Variants in CCNY observed in about 807,000 individuals in gnomAD.
CCNY encodes cyclin-Y.
A neutral mutation model predicts 42.8 loss-of-function variants in CCNY; 19 were observed. The observed-to-expected ratio is 0.44, with a 90% CI of 0.31 to 0.65. The LOEUF (loss-of-function observed/expected upper bound fraction) is 0.65. Among genes scored for constraint, CCNY ranks in the 30% least tolerant of loss-of-function variants. CCNY has a pLI of 0.07. For synonymous variants in CCNY, 165 were observed against 162.7 expected (o/e 1.01, Z -0.11); for missense variants, 370 against 437.3 (o/e 0.85, Z 1.37).
chr10:35,380,247 G>A (rs1837150467), intron 1 of CCNY, among the ~76,000 whole-genome samples: 1 of 152,178 alleles, frequency 6.6e-6, no homozygotes, highest in African/African-American at 2.4e-5. Flanking sequence ...TCAGCTCAGG[G>A]TCCAATCATT....
intron 3 of CCNY, among the ~76,000 whole-genome samples, chr10:35,324,903 C>G (rs951099234): frequency 3.3e-5 from 5 of 152,122 alleles, no homozygotes; most frequent in Non-Finnish European, 7.4e-5. Flanking sequence ...GTTATTTGTG[C>G]ACACTTATAT....
chr10:35,325,744 T>C (rs1276099242), intron 3 of CCNY, among the ~76,000 whole-genome samples: 1 of 152,126 alleles, frequency 6.6e-6, no homozygotes. Context: ...GCTGGGATTA[T>C]AAGGGTTGAG....
intron 1 of CCNY, among the ~76,000 whole-genome samples, chr10:35,416,951 G>A (rs1838037352): frequency 1.3e-5 from 2 of 152,198 alleles, no homozygotes; most frequent in Admixed American, 6.5e-5. Context: ...ATTAATACTA[G>A]CCTTCATAAC....
At chr10:35,350,271 T>G (rs1266943601) in intron 1 of CCNY, among the ~76,000 whole-genome samples, 1 of 152,256 alleles carries the variant, frequency 6.6e-6, no homozygotes, top group East Asian at 1.9e-4. Flanking sequence ...TTTTGCTTTT[T>G]TCTTCCTTTT....
At chr10:35,309,949 C>T (rs536825895) in intron 3 of CCNY, among the ~76,000 whole-genome samples, 180 of 152,170 alleles carry the variant, frequency 1.2e-3, no homozygotes, top group African/African-American at 4.2e-3. Flanking sequence ...TGCAGACGCC[C>T]GCCACCATGC....
chr10:35,472,993 C>T (rs922601411), intron 1 of CCNY, among the ~76,000 whole-genome samples: 2 of 151,810 alleles, frequency 1.3e-5, no homozygotes, highest in African/African-American at 4.8e-5. Context: ...AATTGCCTTG[C>T]TAGGAAAAAA....
intron 1 of CCNY, among the ~76,000 whole-genome samples, chr10:35,462,277 T>C (rs1055037646): frequency 1.2e-4 from 18 of 152,332 alleles, no homozygotes; most frequent in African/African-American, 4.3e-4. Context: ...GATGCCTCTT[T>C]AGGAATGGCG....
chr10:35,309,641 G>A (rs1589028940), intron 3 of CCNY, among the ~76,000 whole-genome samples: 1 of 152,084 alleles, frequency 6.6e-6, no homozygotes, highest in East Asian at 1.9e-4. Context: ...GGCTGGTCTC[G>A]AACTCCTCGG....
chr10:35,440,762 A>C (rs986476915), intron 1 of CCNY, among the ~76,000 whole-genome samples: 1 of 152,214 alleles, frequency 6.6e-6, no homozygotes, highest in Non-Finnish European at 1.5e-5. Flanking sequence ...GTGTAATTGC[A>C]CACGTGGGAC....
intron 1 of CCNY, among the ~76,000 whole-genome samples, chr10:35,472,693 A>G (rs1839414480): frequency 6.6e-6 from 1 of 152,210 alleles, no homozygotes; most frequent in Non-Finnish European, 1.5e-5. Context: ...ATGAAATGCT[A>G]ATTTATCCTA....
At position 35,430,331 on chromosome 10, in the gene CCNY, C is replaced by A. The variant is rs561113456; in HGVS notation, c.155-53073C>A. On this transcript the variant is annotated intron_variant, in intron 1 of 9. Coordinates refer to ENST00000374704, the MANE Select transcript of CCNY (RefSeq NM_145012.6). ...CAGCCTGGGCGACAGAGCGAGACTC[C>A]GTCTCAAAAAAAAAAAAAAAAAAAA... 3.7e-3 allele frequency among the ~76,000 whole-genome samples: 376 copies of A among 101,868 alleles called. 5 individuals carry two copies. Among genetic ancestry groups the A allele is most frequent in the African/African-American group, 0.015 (355 of 24,368 alleles). 66.8% of individuals were successfully genotyped at this position (101,868 alleles called of 152,430 possible).
intron 3 of CCNY, among the ~76,000 whole-genome samples, chr10:35,256,114 A>G (rs567030597): frequency 6.6e-6 from 1 of 152,342 alleles, no homozygotes; most frequent in Admixed American, 6.5e-5. Context: ...ATCTGAAGAT[A>G]GCATATAAGT....
chr10:35,366,519 A>G (rs1343785078), intron 1 of CCNY, among the ~76,000 whole-genome samples: 1 of 152,224 alleles, frequency 6.6e-6, no homozygotes, highest in African/African-American at 2.4e-5. Context: ...TATGTTTATT[A>G]TAAGTTATTA....
At chr10:35,335,014 A>G (rs961431024), upstream of CCNY, among the ~76,000 whole-genome samples, 2 of 151,844 alleles carry the variant, frequency 1.3e-5, no homozygotes, top group Non-Finnish European at 1.5e-5. Context: ...GTACTATTGT[A>G]CTAGTTTTTT....
chr10:35,412,523 G>C (rs917382322), intron 1 of CCNY, among the ~76,000 whole-genome samples: 2 of 151,940 alleles, frequency 1.3e-5, no homozygotes, highest in Non-Finnish European at 2.9e-5. Flanking sequence ...TCTCAGAGGA[G>C]GGGGGACATC....
chr10:35,489,239 G>A (rs1339716415), intron 2 of CCNY, among the ~76,000 whole-genome samples: 1 of 152,130 alleles, frequency 6.6e-6, no homozygotes, highest in African/African-American at 2.4e-5. Flanking sequence ...TGCCTCTATG[G>A]GTTGATATTA....
At chr10:35,550,882 G>T (rs917882875) in intron 7 of CCNY, among the ~76,000 whole-genome samples, 1 of 151,984 alleles carries the variant, frequency 6.6e-6, no homozygotes, top group Non-Finnish European at 1.5e-5. Flanking sequence ...GCCTCCCCCA[G>T]GTCCCTTGCC....
chr10:35,545,069 T>C (rs902490743), intron 7 of CCNY, among the ~76,000 whole-genome samples: 7 of 152,162 alleles, frequency 4.6e-5, no homozygotes, highest in African/African-American at 1.7e-4. Flanking sequence ...ACATGACTAA[T>C]CCTTGCCATG....
At chr10:35,489,243 G>C (rs1401574068) in intron 2 of CCNY, among the ~76,000 whole-genome samples, 2 of 152,212 alleles carry the variant, frequency 1.3e-5, no homozygotes, top group East Asian at 3.9e-4. Flanking sequence ...TCTATGGGTT[G>C]ATATTACTTA....
Sources: gnomAD v4.1 joint callset for allele counts (sites outside exome capture counted in the v4.1 genomes callset) on GRCh38, gnomAD v4.1.1 for gene constraint, MANE v1.5 for transcripts, NCBI Gene and HGNC (gene_info 2026-07-23, HGNC 2026-07-21) for gene names.